TTC28: variants seen among roughly 807,000 people sequenced by gnomAD.
The protein encoded by TTC28 is tetratricopeptide repeat protein 28.
In TTC28, 61 loss-of-function variants were observed where a neutral mutation model predicts 198.0. That is an observed-to-expected ratio of 0.31 (90% CI 0.25 to 0.38). The LOEUF is 0.38. Among genes scored for constraint, TTC28 ranks in the 10% least tolerant of loss-of-function variants. The probability of loss-of-function intolerance (pLI) is 1.00; values close to 1 mark genes in which losing one functional copy is unlikely to be tolerated. For missense variants in TTC28, 2,678 were observed against 3,164.0 expected, an observed-to-expected ratio of 0.85 and a Z score of 3.69; for synonymous variants, 1,171 against 1,297.8, an observed-to-expected ratio of 0.90 and a Z score of 2.10.
intron 2 of TTC28, among the ~76,000 whole-genome samples, chr22:28,326,197 A>G (rs1201985367): frequency 1.3e-5 from 2 of 152,160 alleles, no homozygotes; most frequent in African/African-American, 4.8e-5. Context: ...GTGAAACTCA[A>G]AGGGATTATG....
chr22:28,218,557 C>T (rs1569205187), intron 5 of TTC28, among the ~76,000 whole-genome samples: 1 of 151,836 alleles, frequency 6.6e-6, no homozygotes, highest in Non-Finnish European at 1.5e-5. Flanking sequence ...TTTCTTCAGT[C>T]ATTCTTTCAC....
intron 5 of TTC28, 39 bp downstream of exon 5, chr22:28,296,159 G>GAA: frequency 1.3e-6 from 2 of 1,493,408 alleles, no homozygotes; most frequent in Non-Finnish European, 9.0e-7. Flanking sequence ...ATTTCCAAAA[G>GAA]AAAAAAAAAT....
At chr22:28,144,546 G>A (rs1943416974) in intron 6 of TTC28, among the ~76,000 whole-genome samples, 1 of 152,208 alleles carries the variant, frequency 6.6e-6, no homozygotes, top group Non-Finnish European at 1.5e-5. Flanking sequence ...AGCCAAGTCT[G>A]CATTTTAACA....
chr22:28,133,831 A>G (rs562394057), intron 6 of TTC28, among the ~76,000 whole-genome samples: 2 of 152,340 alleles, frequency 1.3e-5, no homozygotes, highest in Admixed American at 1.3e-4. Flanking sequence ...GCAGACTTAA[A>G]TGTCCCTGTC....
intron 2 of TTC28, among the ~76,000 whole-genome samples, chr22:28,571,728 C>T (rs1199028692): frequency 6.6e-6 from 1 of 151,102 alleles, no homozygotes; most frequent in African/African-American, 2.4e-5. Context: ...GCAGGTGAAT[C>T]ACCTGAGGTC....
At chr22:27,996,927 A>T (rs766951881) in intron 16 of TTC28, among the ~76,000 whole-genome samples, 11 of 152,248 alleles carry the variant, frequency 7.2e-5, no homozygotes, top group Non-Finnish European at 1.5e-4. Context: ...GTTGTGACTT[A>T]TCTATCAACA....
intron 2 of TTC28, among the ~76,000 whole-genome samples, chr22:28,446,934 T>C (rs1241947365): frequency 6.6e-6 from 1 of 152,228 alleles, no homozygotes; most frequent in Non-Finnish European, 1.5e-5. Context: ...TATGATTTTA[T>C]AGAGCTGTTT....
At chr22:28,083,902 C>G (rs141810200) in intron 12 of TTC28, among the ~76,000 whole-genome samples, 1 of 152,212 alleles carries the variant, frequency 6.6e-6, no homozygotes, top group South Asian at 2.1e-4. Flanking sequence ...GCCCACGGAG[C>G]CTCGCTCATT....
intron 2 of TTC28, among the ~76,000 whole-genome samples, chr22:28,478,177 T>C (rs1364376994): frequency 6.6e-6 from 1 of 152,212 alleles, no homozygotes; most frequent in Non-Finnish European, 1.5e-5. Context: ...GAACCATTGT[T>C]GATTCTTTTC....
chr22:28,296,404 C>A lies in TTC28; in HGVS notation c.803-76G>T, dbSNP rs12159978. 2.0e-5 allele frequency: 25 copies of A among 1,223,768 alleles called. No homozygotes were observed. The South Asian group carries it at 5.0e-4, about 25-fold the overall frequency. 75.8% of individuals were successfully genotyped at this position (1,223,768 alleles called of 1,614,324 possible). A position where few individuals can be genotyped will look rare whatever the true frequency, so the allele number is the denominator to read the frequency against. On this transcript the variant is annotated intron_variant, in intron 4 of 22. Coordinates refer to ENST00000397906, the MANE Select transcript of TTC28 (RefSeq NM_001145418.2). ...GTTATTTATAACATATAATGGTCAT[C>A]TTAATTTAAGAGCCACAGATTTATT...
chr22:28,258,141 A>T (rs1353015268), intron 5 of TTC28, among the ~76,000 whole-genome samples: 3 of 152,130 alleles, frequency 2.0e-5, no homozygotes, highest in Non-Finnish European at 4.4e-5. Context: ...ATGTCTGTGT[A>T]TTGGTCCTTC....
At chr22:28,454,821 AAAGAG>A (rs1340743812) in intron 2 of TTC28, among the ~76,000 whole-genome samples, 1 of 152,254 alleles carries the variant, frequency 6.6e-6, no homozygotes, top group Non-Finnish European at 1.5e-5. Context: ...GAAAATGAAA[AAAGAG>A]AAGACACAGA....
At chr22:28,385,673 A>G (rs546476710) in intron 2 of TTC28, among the ~76,000 whole-genome samples, 1 of 152,218 alleles carries the variant, frequency 6.6e-6, no homozygotes, top group Non-Finnish European at 1.5e-5. Context: ...TGATCAGGTT[A>G]TTTCATGCCT....
intron 5 of TTC28, among the ~76,000 whole-genome samples, chr22:28,266,982 C>A (rs1020015279): frequency 6.6e-6 from 1 of 152,096 alleles, no homozygotes; most frequent in Admixed American, 6.5e-5. Flanking sequence ...TGTTTATAAA[C>A]AGTCTGATTT....
In TTC28 at chr22:28,525,138, A is replaced by C. The variant is rs1341799255; in HGVS notation, c.381+104414T>G. 2.0e-5 allele frequency among the ~76,000 whole-genome samples: 3 copies of C among 152,078 alleles called. No individual in the cohort carries two copies. In the East Asian group the frequency reaches 5.8e-4, roughly 29 times the overall value. Reference sequence around the variant, plus strand: ...GTGCCATTATTAAAAATTTCTTTTAATCCAAAGTTTGGGGGTTTTATTGTG... The same window carrying C: ...GTGCCATTATTAAAAATTTCTTTTACTCCAAAGTTTGGGGGTTTTATTGTG... On this transcript the variant is annotated intron_variant, in intron 2 of 22. Transcript: ENST00000397906.
chr22:28,307,035 G>T (rs915226177), intron 2 of TTC28, among the ~76,000 whole-genome samples: 2 of 152,044 alleles, frequency 1.3e-5, no homozygotes, highest in African/African-American at 4.8e-5. Flanking sequence ...AAAAATAAAT[G>T]AGATGAATTC....
At chr22:28,232,115 C>T (rs534148545) in intron 5 of TTC28, among the ~76,000 whole-genome samples, 1 of 152,256 alleles carries the variant, frequency 6.6e-6, no homozygotes, top group South Asian at 2.1e-4. Flanking sequence ...CTTCTTCATC[C>T]CACCCCTGCT....
intron 5 of TTC28, among the ~76,000 whole-genome samples, chr22:28,209,398 C>T (rs764105848): frequency 4.6e-5 from 7 of 152,176 alleles, no homozygotes; most frequent in Admixed American, 1.3e-4. Flanking sequence ...CAAGGGAAGC[C>T]GTGACAGACC....
At chr22:28,435,976 G>C (rs1170803746) in intron 2 of TTC28, among the ~76,000 whole-genome samples, 1 of 152,154 alleles carries the variant, frequency 6.6e-6, no homozygotes, top group Non-Finnish European at 1.5e-5. Context: ...TAATTGAAAG[G>C]AAGTTCACAT....
Sources: allele counts gnomAD v4.1 joint callset (sites outside exome capture counted in the v4.1 genomes callset), GRCh38; gene constraint gnomAD v4.1.1; transcripts MANE v1.5; gene names NCBI Gene and HGNC (gene_info 2026-07-23, HGNC 2026-07-21).